TULP1: variants seen among roughly 807,000 people sequenced by gnomAD.
TULP1 encodes the protein tubby-related protein 1.
In TULP1, 50 loss-of-function variants were observed where a neutral mutation model predicts 67.1. That is an observed-to-expected ratio of 0.75 (90% CI 0.59 to 0.94). The LOEUF (loss-of-function observed/expected upper bound fraction) is 0.94, where lower values mean the gene tolerates loss of function less well. TULP1 is among the 40% of genes least tolerant of loss of function. The pLI is 0.00. For synonymous variants in TULP1, 297 were observed against 294.0 expected, an observed-to-expected ratio of 1.01 and a Z score of -0.11; for missense variants, 746 against 734.1, an observed-to-expected ratio of 1.02 and a Z score of -0.19.
Position 35,503,863 on chromosome 6 carries a change from G to C in TULP1, c.1113-15C>G, listed in dbSNP as rs772546088. On this transcript the variant is annotated splice_polypyrimidine_tract_variant and intron_variant, in intron 11 of 14. Coordinates refer to ENST00000229771, the MANE Select transcript of TULP1 (RefSeq NM_003322.6). This position sits in a 1 kb window ranked among gnomAD's most constrained non-coding sequence, Gnocchi z 4.0. ...GGAGGTTGGACCTGCAAGCAGGGTA[G>C]AGCTTGGGGTGGGGCTGAGGGGATC... The C allele has an allele frequency of 6.3e-7, 1 of 1,595,086 alleles. No homozygotes were observed.
Position 35,512,191 on chromosome 6 carries a change from C to T in TULP1, c.179G>A (p.Arg60Gln), listed in dbSNP as rs1490623059. The change falls in exon 3 of 15, where the codon CGG (arginine) becomes CAG (glutamine). Residue 60 changes from arginine (R) to glutamine (Q), a missense_variant. By Grantham distance (43) the Arg-to-Gln change is conservative. Around this residue, in one of 3 missense-constraint regions of TULP1, gnomAD observed 359 missense variants for 341.9 expected, o/e 1.05. Coordinates refer to ENST00000229771, the MANE Select transcript of TULP1 (RefSeq NM_003322.6). ...TGCACCCCGCCCACCTCCGGGCTTC[C>T]GGGGCTTGGATCCCGTGGGGCAGGG... is the stretch of plus-strand genomic sequence containing the variant. ...ESPCPTGSKP[R>Q]KPGAGRTGRP... 23 of 1,344,948 alleles carry T rather than the reference C, an allele frequency of 1.7e-5. No individual in the cohort carries two copies. The East Asian group carries it at 2.2e-4, about 13-fold the overall frequency. 83.3% of individuals were successfully genotyped at this position (1,344,948 alleles called of 1,614,324 possible).
At chr6:35,511,461 G>A (rs770567605) in intron 4 of TULP1, among the ~76,000 whole-genome samples, 187 bp downstream of exon 4, 1 of 152,128 alleles carries the variant, frequency 6.6e-6, no homozygotes, top group African/African-American at 2.4e-5. Flanking sequence ...AATGGTGGAG[G>A]GGGGGAACAA....
At chr6:35,504,095 C>G in intron 11 of TULP1, 1 of 461,714 alleles carries the variant, frequency 2.2e-6, no homozygotes, top group South Asian at 2.4e-5. Flanking sequence ...GAGGGAGGAT[C>G]GCTTGAGTCC....
intron 8 of TULP1, 59 bp from the exon 9 acceptor site, chr6:35,506,338 G>C: frequency 1.3e-6 from 2 of 1,547,738 alleles, no homozygotes; most frequent in South Asian, 2.4e-5. Context: ...CTGGAGGCGG[G>C]GAAGCCACTG....
At chr6:35,504,716 C>G (rs144800883) in intron 11 of TULP1, among the ~76,000 whole-genome samples, 1 of 151,294 alleles carries the variant, frequency 6.6e-6, no homozygotes, top group Non-Finnish European at 1.5e-5. Context: ...CCTGCCAGCA[C>G]GCTGGGCTAA....
chr6:35,505,945 C>T (rs1380449002), intron 10 of TULP1, 58 bp downstream of exon 10: 33 of 1,613,986 alleles, frequency 2.0e-5, no homozygotes, highest in Non-Finnish European at 2.7e-5. Context: ...CCGTTTGTCC[C>T]GTGGCCCCCA....
chr6:35,503,295 T>A lies in TULP1; in HGVS notation c.1323+264A>T. The A allele has an allele frequency of 4.2e-6, 2 of 478,632 alleles. No homozygotes were observed. Among genetic ancestry groups the A allele is most frequent in the South Asian group, 4.2e-5 (2 of 47,958 alleles). The allele number at this position is 478,632 out of a possible 1,614,324, so 29.6% of individuals were successfully genotyped here. A position where few individuals can be genotyped will look rare whatever the true frequency, so the allele number is the denominator to read the frequency against. ...GTCTTCCAGGTGCCTAGGATAATAC[T>A]TGGCACTCAATATGTGTGGTCAATG... On this transcript the variant is annotated intron_variant, in intron 13 of 14. Transcript: ENST00000229771. The surrounding 1 kb of genome is among the most constrained non-coding windows in gnomAD (Gnocchi z 4.0).
Position 35,503,975 on chromosome 6 carries a change from T to C in TULP1, c.1113-127A>G. 1 of 694,706 alleles carries C rather than the reference T, an allele frequency of 1.4e-6. No homozygotes were observed. The highest frequency in any genetic ancestry group is 2.3e-5 in the Admixed American group (1 of 42,724). 43.0% of individuals were successfully genotyped at this position (694,706 alleles called of 1,614,324 possible). On this transcript the variant is annotated intron_variant, in intron 11 of 14. Transcript: ENST00000229771. This position sits in a 1 kb window ranked among gnomAD's most constrained non-coding sequence, Gnocchi z 4.0. ...GTGGGGGTGAGTTAGGACTGAGCAA[T>C]TCATGTCCCCTGCCCCAGGCTTCCC... is the stretch of plus-strand genomic sequence containing the variant.
chr6:35,509,391 G>A, intron 7 of TULP1, 79 bp from the exon 8 acceptor site: 4 of 1,365,694 alleles, frequency 2.9e-6, no homozygotes, highest in East Asian at 2.3e-5. Flanking sequence ...TGTCTCACTT[G>A]GATGCTCCCC....
intron 1 of TULP1, 39 bp downstream of exon 1, chr6:35,512,773 C>T (rs1260353991): frequency 1.3e-6 from 2 of 1,580,866 alleles, no homozygotes; most frequent in Non-Finnish European, 1.7e-6. Flanking sequence ...ATCTAGGCCC[C>T]CCAGGGTTCA....
rs1020663701 is a variant in TULP1 at position 35,507,962 on chromosome 6, G to A, written c.822+1247C>T. ...CCTAAGTAGCTGGGACTACAGGTGC[G>A]CATCACCATGCCCCGATAATTTTTG... On this transcript the variant is annotated intron_variant, in intron 8 of 14. Transcript: ENST00000229771. Among the ~76,000 whole-genome samples the A allele has an allele frequency of 3.9e-5, 6 of 152,150 alleles. No homozygotes were observed. The South Asian group carries it at 6.2e-4, about 16-fold the overall frequency.
rs1053051360 is a variant in TULP1, at chr6:35,498,453, A to G, written c.1503T>C (p.Tyr501=). The change falls in exon 15 of 15, where the codon TAT becomes TAC. Residue 501 remains tyrosine, a synonymous_variant. Transcript: ENST00000229771. This position sits in a 1 kb window ranked among gnomAD's most constrained non-coding sequence, Gnocchi z 6.7. The stretch of plus-strand genomic sequence containing the variant: ...CCACGCGGCCGAACTGCAGCACGAT[A>G]TAGTCGGCTATGGACACAAGACGGG... The part of the protein sequence containing the change: ...FQIVHADDPD[Y]IVLQFGRVAE... 27 of 1,613,746 alleles carry G rather than the reference A, an allele frequency of 1.7e-5. No homozygotes were observed. Among genetic ancestry groups the G allele is most frequent in the Non-Finnish European group, 2.2e-5 (26 of 1,180,026 alleles).
At chr6:35,506,310 A>G in intron 8 of TULP1, 31 bp from the exon 9 acceptor site, 1 of 1,554,630 alleles carries the variant, frequency 6.4e-7, no homozygotes, top group Admixed American at 2.0e-5. Flanking sequence ...GAGGCTGGCT[A>G]GAGCAGGGGC....
chr6:35,509,456 C>A, intron 7 of TULP1, 144 bp from the exon 8 acceptor site: 1 of 1,082,106 alleles, frequency 9.2e-7, no homozygotes, highest in Non-Finnish European at 1.4e-6. Flanking sequence ...AAGGCTAAGA[C>A]ACCTGCCTGA....
At chr6:35,509,513 C>T (rs1377994252) in intron 7 of TULP1, 121 bp downstream of exon 7, 14 of 1,162,394 alleles carry the variant, frequency 1.2e-5, no homozygotes, top group Non-Finnish European at 1.7e-5. Context: ...TGCACGTTGT[C>T]TGACTCTAGA....
intron 7 of TULP1, 137 bp from the exon 8 acceptor site, chr6:35,509,449 G>GCT: frequency 1.8e-6 from 2 of 1,093,732 alleles, no homozygotes; most frequent in Non-Finnish European, 2.8e-6. Flanking sequence ...GCCCAAAAAG[G>GCT]CTAAGACACC....
In TULP1 at chr6:35,501,385, A is replaced by G. The variant is rs562901779; in HGVS notation, c.1324-1233T>C. Among the ~76,000 whole-genome samples the G allele has an allele frequency of 6.6e-5, 10 of 151,878 alleles. No homozygotes were observed. In the East Asian group the frequency reaches 1.9e-3, roughly 29 times the overall value. On this transcript the variant is annotated intron_variant, in intron 13 of 14. Transcript: ENST00000229771. ...GGCATGTGCCTAGGGTCTCAGCTAC[A>G]TGAGAGGCTGAGGCAGGAAGCAGCA... is the stretch of plus-strand genomic sequence containing the variant.
chr6:35,510,266 C>A lies in TULP1; in HGVS notation c.500-338G>T, dbSNP rs115197527. Reference sequence around the variant, plus strand: ...CATTTTGGTTTTTCTTTCCCTGAGGCCAAAAAAGCTCTGGACAAAGACCAG... The same window carrying A: ...CATTTTGGTTTTTCTTTCCCTGAGGACAAAAAAGCTCTGGACAAAGACCAG... On this transcript the variant is annotated intron_variant, in intron 5 of 14. Coordinates refer to ENST00000229771, the MANE Select transcript of TULP1 (RefSeq NM_003322.6). 3.2e-3 allele frequency among the ~76,000 whole-genome samples: 486 copies of A among 152,158 alleles called. 1 individual carries two copies. Among genetic ancestry groups the A allele is most frequent in the South Asian group, 7.9e-3 (38 of 4,822 alleles).
chr6:35,498,480 T>A lies in TULP1; in HGVS notation c.1496-20A>T. 1.9e-6 allele frequency: 3 copies of A among 1,613,134 alleles called. No individual in the cohort carries two copies. Among genetic ancestry groups the A allele is most frequent in the Non-Finnish European group, 2.5e-6 (3 of 1,179,900 alleles). ...AGTCGGCTATGGACACAAGACGGGG[T>A]GGGGGCGGCCCGAGACCTCCTTGGA... On this transcript the variant is annotated intron_variant, in intron 14 of 14. Transcript: ENST00000229771. This position sits in a 1 kb window ranked among gnomAD's most constrained non-coding sequence, Gnocchi z 6.7.
Sources: gnomAD v4.1 joint callset for allele counts (sites outside exome capture counted in the v4.1 genomes callset) on GRCh38, gnomAD v4.1.1 for gene constraint, gnomAD v4.1.1 regional missense constraint, Gnocchi (gnomAD v3.1) non-coding constraint, MANE v1.5 for transcripts, NCBI Gene and HGNC (gene_info 2026-07-23, HGNC 2026-07-21) for gene names.